The following HS2ST1 variants were observed in gnomAD, a reference collection of about 807,000 sequenced individuals.
HS2ST1 encodes 2-O-sulfotransferase.
In HS2ST1, 18 loss-of-function variants were observed where a neutral mutation model predicts 42.9. The observed-to-expected ratio is 0.42, with a 90% CI of 0.29 to 0.62. The LOEUF (loss-of-function observed/expected upper bound fraction) is 0.62. Among genes scored for constraint, HS2ST1 ranks in the 20% least tolerant of loss-of-function variants. HS2ST1 has a pLI of 0.21. For missense variants in HS2ST1, 334 were observed against 433.8 expected, an observed-to-expected ratio of 0.77 and a Z score of 2.04; for synonymous variants, 146 against 152.9, an observed-to-expected ratio of 0.95 and a Z score of 0.33.
chr1:86,955,314 C>T (rs1647645985), intron 1 of HS2ST1, among the ~76,000 whole-genome samples: 1 of 152,100 alleles, frequency 6.6e-6, no homozygotes, highest in South Asian at 2.1e-4. Flanking sequence ...AGGTGCAGGC[C>T]AGCATTAGCA....
intron 1 of HS2ST1, among the ~76,000 whole-genome samples, chr1:87,036,808 A>T (rs1418413014): frequency 2.0e-5 from 3 of 152,142 alleles, no homozygotes; most frequent in Non-Finnish European, 4.4e-5. Context: ...GCTGACCCAC[A>T]CATTTTCAAG....
At chr1:86,966,350 T>C (rs995277997) in intron 1 of HS2ST1, among the ~76,000 whole-genome samples, 2 of 152,208 alleles carry the variant, frequency 1.3e-5, no homozygotes, top group Non-Finnish European at 2.9e-5. Context: ...CTATCTGTTC[T>C]TTGGTACTTT....
intron 1 of HS2ST1, among the ~76,000 whole-genome samples, chr1:86,962,720 A>G (rs1434015647): frequency 5.3e-5 from 8 of 152,204 alleles, no homozygotes; most frequent in Non-Finnish European, 1.2e-4. Context: ...TGAGATTCCT[A>G]ATGATCATTG....
At chr1:86,943,985 C>T (rs1403269790) in intron 1 of HS2ST1, among the ~76,000 whole-genome samples, 5 of 151,898 alleles carry the variant, frequency 3.3e-5, no homozygotes, top group Non-Finnish European at 7.4e-5. Flanking sequence ...CAAGACTGCG[C>T]CATTGCACTC....
At chr1:86,927,144 A>G (rs894998107) in intron 1 of HS2ST1, among the ~76,000 whole-genome samples, 2 of 152,162 alleles carry the variant, frequency 1.3e-5, no homozygotes, top group African/African-American at 4.8e-5. Context: ...TCTTTCCTGT[A>G]TTCCTTCCAG....
intron 1 of HS2ST1, among the ~76,000 whole-genome samples, chr1:86,987,177 C>A (rs1383090465): frequency 6.8e-6 from 1 of 147,784 alleles, no homozygotes; most frequent in East Asian, 2.1e-4. Flanking sequence ...TAAAGTGATT[C>A]TCCTGCCTCA....
At chr1:86,960,565 T>C (rs1390850059) in intron 1 of HS2ST1, among the ~76,000 whole-genome samples, 1 of 152,194 alleles carries the variant, frequency 6.6e-6, no homozygotes, top group Non-Finnish European at 1.5e-5. Context: ...TCCAAAAATA[T>C]TCAGAGAACC....
At position 87,062,497 on chromosome 1, in the gene HS2ST1, A is replaced by G. The variant is rs141555081; in HGVS notation, c.125-10437A>G. ...CTCACTTACAATGTAATTGTCTTAA[A>G]TATTTGCTCTGCCTTCATTTAGAGC... On this transcript the variant is annotated intron_variant, in intron 1 of 6. Transcript: ENST00000370550. Among the ~76,000 whole-genome samples, 443 of 152,198 alleles carry G rather than the reference A, an allele frequency of 2.9e-3. 3 individuals carry two copies. The highest frequency in any genetic ancestry group is 9.9e-3 in the African/African-American group (411 of 41,538).
At chr1:87,006,879 C>G (rs1649455147) in intron 1 of HS2ST1, among the ~76,000 whole-genome samples, 1 of 152,104 alleles carries the variant, frequency 6.6e-6, no homozygotes, top group South Asian at 2.1e-4. Flanking sequence ...GGACAAGTCA[C>G]TGTTAACTTT....
chr1:87,045,516 G>A, intron 1 of HS2ST1: 1 of 862,160 alleles, frequency 1.2e-6, no homozygotes, highest in Non-Finnish European at 2.0e-6. Context: ...TGGCTTGCTG[G>A]CACATATGTA....
chr1:87,009,805 C>T (rs561379997), intron 1 of HS2ST1, among the ~76,000 whole-genome samples: 12 of 151,988 alleles, frequency 7.9e-5, no homozygotes, highest in East Asian at 3.9e-4. Context: ...GAGGCCGAGG[C>T]GGGTGGATCA....
chr1:87,063,888 T>G (rs190790390), intron 1 of HS2ST1, among the ~76,000 whole-genome samples: 1 of 152,312 alleles, frequency 6.6e-6, no homozygotes, highest in East Asian at 1.9e-4. Context: ...AACCTGAGCA[T>G]TTTTGTATTA....
intron 1 of HS2ST1, among the ~76,000 whole-genome samples, chr1:86,968,565 C>G (rs1032699373): frequency 2.7e-5 from 4 of 148,266 alleles, no homozygotes; most frequent in African/African-American, 1.0e-4. Flanking sequence ...CCACCAGGCC[C>G]AGCTGTTTTT....
At chr1:87,003,955 G>A (rs187403289) in intron 1 of HS2ST1, among the ~76,000 whole-genome samples, 1 of 152,250 alleles carries the variant, frequency 6.6e-6, no homozygotes, top group African/African-American at 2.4e-5. Flanking sequence ...ACAACTCTAT[G>A]TAATTGTTTG....
At chr1:87,028,083 A>G (rs1230951378) in intron 1 of HS2ST1, among the ~76,000 whole-genome samples, 1 of 152,254 alleles carries the variant, frequency 6.6e-6, no homozygotes, top group Non-Finnish European at 1.5e-5. Context: ...CCTGTCTCAC[A>G]GGTCTGTCAT....
intron 1 of HS2ST1, 67 bp from the exon 2 acceptor site, chr1:87,072,867 A>G (rs566716808): frequency 9.3e-7 from 1 of 1,073,592 alleles, no homozygotes; most frequent in East Asian, 2.4e-5. Flanking sequence ...CATGGTCCAA[A>G]GTTCAGTGTT....
intron 1 of HS2ST1, among the ~76,000 whole-genome samples, chr1:86,999,184 TC>T (rs752720587): frequency 3.9e-5 from 6 of 152,268 alleles, no homozygotes; most frequent in African/African-American, 7.2e-5. Context: ...ATTTTCTTTT[TC>T]TTTTTTTTTT....
At chr1:86,997,835 C>T (rs187197064) in intron 1 of HS2ST1, among the ~76,000 whole-genome samples, 15 of 152,184 alleles carry the variant, frequency 9.9e-5, no homozygotes, top group East Asian at 3.9e-4. Context: ...GGGTGGTGTA[C>T]GATTTCATCA....
At chr1:87,040,999 G>A (rs1157392440) in intron 1 of HS2ST1, among the ~76,000 whole-genome samples, 1 of 151,996 alleles carries the variant, frequency 6.6e-6, no homozygotes, top group Non-Finnish European at 1.5e-5. Context: ...TAACCACTAA[G>A]CTCTCCTCTG....
Sources: gnomAD v4.1 joint callset for allele counts (sites outside exome capture counted in the v4.1 genomes callset) on GRCh38, gnomAD v4.1.1 for gene constraint, MANE v1.5 for transcripts, NCBI Gene and HGNC (gene_info 2026-07-23, HGNC 2026-07-21) for gene names.